The following SRGAP1 variants were observed in gnomAD, a reference collection of about 807,000 sequenced individuals.
The protein encoded by SRGAP1 is SLIT-ROBO Rho GTPase-activating protein 1.
Under a neutral mutation model 121.9 loss-of-function variants are expected in SRGAP1, and 43 were observed. The observed-to-expected ratio is 0.35, with a 90% CI of 0.28 to 0.46. The LOEUF is 0.46. SRGAP1 is among the 20% of genes least tolerant of loss of function. SRGAP1 has a pLI of 1.00. For missense variants in SRGAP1, 1,102 were observed against 1,350.9 expected (o/e 0.82, Z 2.89); for synonymous variants, 447 against 485.4 (o/e 0.92, Z 1.04).
chr12:64,084,612 C>T (rs969103905), intron 10 of SRGAP1, among the ~76,000 whole-genome samples: 3 of 152,136 alleles, frequency 2.0e-5, no homozygotes, highest in Admixed American at 6.5e-5. Flanking sequence ...TTGCAAAGCA[C>T]GCTCTTGGTT....
intron 3 of SRGAP1, among the ~76,000 whole-genome samples, chr12:63,993,881 T>C (rs2033624049): frequency 6.6e-6 from 1 of 152,026 alleles, no homozygotes; most frequent in Non-Finnish European, 1.5e-5. Context: ...AAGTGAAGCA[T>C]TTTAAAAATA....
intron 1 of SRGAP1, among the ~76,000 whole-genome samples, chr12:63,970,232 G>C (rs1022863208): frequency 1.3e-5 from 2 of 152,196 alleles, no homozygotes; most frequent in African/African-American, 2.4e-5. Flanking sequence ...GCGTAATTAG[G>C]GGGAGAGGTG....
Position 64,154,093 on chromosome 12 carries a change from A to AAAC in SRGAP1, c.*11422_*11424dup, listed in dbSNP as rs2037145504. ...CTTCTATGAGATATCTAAAGTAGTC[A>AAAC]AACTCTTATAAACAGAAAGCAGAAT... On this transcript the variant is annotated 3_prime_UTR_variant, in exon 22 of 22. Transcript: ENST00000355086. The AAAC allele has an allele frequency of 1.3e-5, 2 of 152,236 alleles. No individual in the cohort carries two copies. Among genetic ancestry groups the AAAC allele is most frequent in the African/African-American group, 4.8e-5 (2 of 41,452 alleles). The allele number at this position is 152,236 out of a possible 1,614,324, so 9.4% of individuals were successfully genotyped here.
chr12:63,964,536 A>G (rs1054669737), intron 1 of SRGAP1, among the ~76,000 whole-genome samples: 9 of 152,240 alleles, frequency 5.9e-5, no homozygotes, highest in Non-Finnish European at 1.2e-4. Context: ...AGTATTCTCA[A>G]TTGACCCTTT....
chr12:63,959,261 G>A (rs1341720618), intron 1 of SRGAP1, among the ~76,000 whole-genome samples: 2 of 152,112 alleles, frequency 1.3e-5, no homozygotes, highest in South Asian at 4.1e-4. Flanking sequence ...GTTCTGATTT[G>A]CAAAATCTAG....
chr12:63,854,017 T>G (rs1159032973), intron 1 of SRGAP1, among the ~76,000 whole-genome samples: 2 of 152,220 alleles, frequency 1.3e-5, no homozygotes, highest in Non-Finnish European at 2.9e-5. Context: ...GCTTCTTTGC[T>G]TGCTTGCTTT....
At chr12:63,877,525 T>C (rs1900066761) in intron 1 of SRGAP1, among the ~76,000 whole-genome samples, 1 of 152,258 alleles carries the variant, frequency 6.6e-6, no homozygotes, top group African/African-American at 2.4e-5. Context: ...CAACATGGAC[T>C]CATTCAAGCA....
At chr12:64,105,159 T>C (rs12426353) in intron 15 of SRGAP1, among the ~76,000 whole-genome samples, 26,566 of 152,168 alleles carry the variant, frequency 0.17, 2,943 homozygotes, top group Non-Finnish European at 0.24. Flanking sequence ...TGGAATCATA[T>C]AATACTTGTT....
chr12:64,015,633 T>C (rs1464767453), intron 3 of SRGAP1, among the ~76,000 whole-genome samples: 1 of 152,230 alleles, frequency 6.6e-6, no homozygotes, highest in African/African-American at 2.4e-5. Flanking sequence ...TGTTGAGGCC[T>C]GACCCAATGA....
intron 18 of SRGAP1, among the ~76,000 whole-genome samples, chr12:64,122,863 A>C (rs747696195): frequency 1.8e-4 from 28 of 152,282 alleles, no homozygotes; most frequent in Non-Finnish European, 3.5e-4. Context: ...ACGCCACTGC[A>C]CTCCAGCCTG....
At chr12:64,021,561 A>G (rs1273408370) in intron 4 of SRGAP1, among the ~76,000 whole-genome samples, 1 of 152,210 alleles carries the variant, frequency 6.6e-6, no homozygotes, top group African/African-American at 2.4e-5. Context: ...GCAGGGTGGG[A>G]TCTCAAGTCT....
At chr12:63,854,922 A>G (rs1185583400) in intron 1 of SRGAP1, among the ~76,000 whole-genome samples, 3 of 152,198 alleles carry the variant, frequency 2.0e-5, no homozygotes, top group Admixed American at 2.0e-4. Flanking sequence ...TTACCAGGTA[A>G]TGTCAAACCT....
intron 6 of SRGAP1, among the ~76,000 whole-genome samples, chr12:64,058,664 A>G (rs2035388806): frequency 6.6e-6 from 1 of 152,126 alleles, no homozygotes; most frequent in South Asian, 2.1e-4. Flanking sequence ...TCATCACTAA[A>G]TGCACTTGGG....
chr12:63,887,836 T>G (rs1156778073), intron 1 of SRGAP1: 2 of 152,272 alleles, frequency 1.3e-5, no homozygotes, highest in Non-Finnish European at 2.9e-5. Flanking sequence ...TCATGGCTTA[T>G]CTTGTCTTTT....
rs200903520 is a variant in SRGAP1, at chr12:63,949,184, TA to T, written c.68-34762del. 3.5e-3 allele frequency among the ~76,000 whole-genome samples: 382 copies of T among 109,120 alleles called. 15 individuals carry two copies. The East Asian group carries it at 0.051, about 15-fold the overall frequency. 71.6% of individuals were successfully genotyped at this position (109,120 alleles called of 152,430 possible). A position where few individuals can be genotyped will look rare whatever the true frequency, so the allele number is the denominator to read the frequency against. The stretch of plus-strand genomic sequence containing the variant: ...TCCATATATATATTTTTTCCATATA[TA>T]TTTTTTTTTCCATATATATATATAT... On this transcript the variant is annotated intron_variant, in intron 1 of 21. Transcript: ENST00000355086.
At chr12:63,881,707 T>C (rs1457108970) in intron 1 of SRGAP1, among the ~76,000 whole-genome samples, 2 of 152,238 alleles carry the variant, frequency 1.3e-5, no homozygotes, top group Non-Finnish European at 2.9e-5. Flanking sequence ...TCCAACACTT[T>C]TGGGAAGAAA....
intron 4 of SRGAP1, among the ~76,000 whole-genome samples, chr12:64,029,435 A>G (rs2034725548): frequency 6.6e-6 from 1 of 152,200 alleles, no homozygotes; most frequent in African/African-American, 2.4e-5. Context: ...CCCTGTGATC[A>G]GGGAGCTAGA....
At chr12:64,064,968 G>A (rs1226254543) in intron 7 of SRGAP1, 150 bp from the exon 8 acceptor site, 1 of 579,432 alleles carries the variant, frequency 1.7e-6, no homozygotes, top group Non-Finnish European at 3.0e-6. Context: ...ATATTTACAA[G>A]TGAAGTTTTG....
At chr12:64,104,561 A>T (rs2036309288) in intron 15 of SRGAP1, among the ~76,000 whole-genome samples, 1 of 152,174 alleles carries the variant, frequency 6.6e-6, no homozygotes, top group Non-Finnish European at 1.5e-5. Context: ...TTGCCCACTA[A>T]CTGGACTCAG....
Sources: allele counts gnomAD v4.1 joint callset (sites outside exome capture counted in the v4.1 genomes callset), GRCh38; gene constraint gnomAD v4.1.1; transcripts MANE v1.5; gene names NCBI Gene and HGNC (gene_info 2026-07-23, HGNC 2026-07-21).